EVA1A: variants seen among roughly 807,000 people sequenced by gnomAD.
EVA1A encodes eva-1 homolog A, regulator of programmed cell death.
In EVA1A, 7 loss-of-function variants were observed where a neutral mutation model predicts 9.8. That is an observed-to-expected ratio of 0.71 (90% CI 0.41 to 1.34). EVA1A has a LOEUF of 1.34. EVA1A is among the 40% of genes most tolerant of loss of function. EVA1A has a pLI of 0.01. For missense variants in EVA1A, 206 were observed against 205.9 expected, an observed-to-expected ratio of 1.00 and a Z score of 0.00; for synonymous variants, 90 against 85.6, an observed-to-expected ratio of 1.05 and a Z score of -0.28.
chr2:75,568,867 G>A (rs1180340385), intron 1 of EVA1A, among the ~76,000 whole-genome samples: 1 of 152,152 alleles, frequency 6.6e-6, no homozygotes, highest in East Asian at 1.9e-4. Flanking sequence ...TGGTTGATGA[G>A]CACTTAAATA....
At chr2:75,507,668 T>C (rs1674663852) in intron 3 of EVA1A, among the ~76,000 whole-genome samples, 1 of 152,108 alleles carries the variant, frequency 6.6e-6, no homozygotes, top group South Asian at 2.1e-4. Flanking sequence ...AAGCCCAAAC[T>C]GTTCCTCAAT....
intron 1 of EVA1A, chr2:75,558,748 C>T (rs1014013664): frequency 2.6e-5 from 4 of 152,194 alleles, no homozygotes; most frequent in African/African-American, 7.2e-5. Context: ...GGAACATTGA[C>T]GAAGTGGCAT....
At chr2:75,496,939 A>G (rs887416832) in intron 3 of EVA1A, among the ~76,000 whole-genome samples, 2 of 152,228 alleles carry the variant, frequency 1.3e-5, no homozygotes, top group Non-Finnish European at 1.5e-5. Context: ...AAAGGGGAAA[A>G]GATTCTCTAT....
chr2:75,550,597 TAAC>T (rs1172973112), intron 1 of EVA1A, among the ~76,000 whole-genome samples: 1 of 152,222 alleles, frequency 6.6e-6, no homozygotes, highest in African/African-American at 2.4e-5. Flanking sequence ...GGTCTGGACT[TAAC>T]AACAAGTGAT....
chr2:75,518,611 C>T, intron 2 of EVA1A: 1 of 989,202 alleles, frequency 1.0e-6, no homozygotes, highest in Non-Finnish European at 1.2e-6. Flanking sequence ...CCTGTATCTT[C>T]CTAATTCCCA....
intron 1 of EVA1A, among the ~76,000 whole-genome samples, chr2:75,547,124 T>C (rs1039040272): frequency 6.6e-6 from 1 of 152,328 alleles, no homozygotes; most frequent in East Asian, 1.9e-4. Context: ...GCACACAGGC[T>C]GGCAGTTAAA....
chr2:75,509,499 G>A (rs560200400), intron 3 of EVA1A, among the ~76,000 whole-genome samples: 1 of 152,086 alleles, frequency 6.6e-6, no homozygotes, highest in African/African-American at 2.4e-5. Flanking sequence ...GCTAATTTTG[G>A]TTATTAAAAT....
At chr2:75,530,968 G>C (rs957948620) in intron 1 of EVA1A, among the ~76,000 whole-genome samples, 4 of 152,172 alleles carry the variant, frequency 2.6e-5, no homozygotes, top group Non-Finnish European at 5.9e-5. Context: ...AATGGTCACT[G>C]TTTGATGATG....
chr2:75,559,850 C>T (rs2103995139), intron 1 of EVA1A, among the ~76,000 whole-genome samples: 1 of 152,178 alleles, frequency 6.6e-6, no homozygotes, highest in South Asian at 2.1e-4. Context: ...GTGGCCCCAT[C>T]TCATTTTGCC....
At chr2:75,558,592 T>C (rs1452696852) in intron 1 of EVA1A, 1 of 151,744 alleles carries the variant, frequency 6.6e-6, no homozygotes, top group Non-Finnish European at 1.5e-5. Context: ...AACAAAATGG[T>C]CTGTAGGAAC....
chr2:75,564,481 C>T (rs1676988984), upstream of EVA1A, among the ~76,000 whole-genome samples: 1 of 152,238 alleles, frequency 6.6e-6, no homozygotes, highest in Non-Finnish European at 1.5e-5. Flanking sequence ...TCCCATGGCG[C>T]TGGTGGTCAG....
chr2:75,564,709 C>A (rs1676994478), upstream of EVA1A, among the ~76,000 whole-genome samples: 1 of 152,168 alleles, frequency 6.6e-6, no homozygotes, highest in Non-Finnish European at 1.5e-5. Context: ...CACTGAGCAC[C>A]ACCGATCAGC....
chr2:75,492,726 C>T lies in EVA1A; in HGVS notation c.*510G>A, dbSNP rs184141294. The stretch of plus-strand genomic sequence containing the variant: ...TGCCAGTTAAAATGGACGAGGTTGC[C>T]CTTGCAACACAAGATTTTAAAAATC... On this transcript the variant is annotated 3_prime_UTR_variant, in exon 4 of 4. Coordinates refer to ENST00000393913, the MANE Select transcript of EVA1A (RefSeq NM_001135032.2). 6.0e-4 allele frequency: 92 copies of T among 153,082 alleles called. No individual in the cohort carries two copies. Among genetic ancestry groups the T allele is most frequent in the Non-Finnish European group, 6.9e-4 (47 of 68,420 alleles). 9.5% of individuals were successfully genotyped at this position (153,082 alleles called of 1,614,324 possible). A position where few individuals can be genotyped will look rare whatever the true frequency, so the allele number is the denominator to read the frequency against.
chr2:75,510,310 G>T (rs941967722), intron 3 of EVA1A, among the ~76,000 whole-genome samples: 1 of 152,064 alleles, frequency 6.6e-6, no homozygotes, highest in African/African-American at 2.4e-5. Context: ...ATTAATACAT[G>T]GTTACTTATA....
intron 1 of EVA1A, among the ~76,000 whole-genome samples, chr2:75,551,975 G>A (rs536570294): frequency 6.6e-6 from 1 of 152,230 alleles, no homozygotes; most frequent in South Asian, 2.1e-4. Context: ...GAGGCCAGAA[G>A]TTCAAAACCA....
chr2:75,514,221 CAA>C (rs1208679517), intron 3 of EVA1A, among the ~76,000 whole-genome samples: 1 of 152,104 alleles, frequency 6.6e-6, no homozygotes, highest in Non-Finnish European at 1.5e-5. Context: ...TGAATCGACC[CAA>C]ACCAGTTGGA....
At chr2:75,509,926 G>A (rs180881093) in intron 3 of EVA1A, among the ~76,000 whole-genome samples, 8 of 152,114 alleles carry the variant, frequency 5.3e-5, no homozygotes, top group African/African-American at 1.9e-4. Flanking sequence ...CTAATGAAGT[G>A]GGGGGTGGGA....
intron 1 of EVA1A, among the ~76,000 whole-genome samples, chr2:75,543,959 CA>C (rs1019242431): frequency 2.6e-5 from 4 of 152,110 alleles, no homozygotes; most frequent in African/African-American, 9.7e-5. Flanking sequence ...ATGTTTGATT[CA>C]AATTACATTT....
chr2:75,503,196 G>A (rs947543558), intron 3 of EVA1A, among the ~76,000 whole-genome samples: 5 of 152,122 alleles, frequency 3.3e-5, no homozygotes, highest in African/African-American at 1.2e-4. Flanking sequence ...TTTATGTCAT[G>A]CCTCTTCATC....
Sources: allele counts gnomAD v4.1 joint callset (sites outside exome capture counted in the v4.1 genomes callset), GRCh38; gene constraint gnomAD v4.1.1; transcripts MANE v1.5; gene names NCBI Gene and HGNC (gene_info 2026-07-23, HGNC 2026-07-21).